DENND4A: variants seen among roughly 807,000 people sequenced by gnomAD.
DENND4A encodes DENN domain containing 4A.
A neutral mutation model predicts 199.3 loss-of-function variants in DENND4A; 70 were observed. That is an observed-to-expected ratio of 0.35 (90% confidence interval 0.29 to 0.43). DENND4A has a LOEUF of 0.43. Ranked by LOEUF, DENND4A falls within the 20% of genes least tolerant of loss-of-function variation. The probability of loss-of-function intolerance (pLI) is 1.00; values close to 1 mark genes in which losing one functional copy is unlikely to be tolerated. For missense variants in DENND4A, 1,723 were observed against 2,255.8 expected (o/e 0.76, Z 4.78); for synonymous variants, 686 against 766.9 (o/e 0.89, Z 1.74).
intron 1 of DENND4A, among the ~76,000 whole-genome samples, chr15:65,781,468 G>A (rs2077435182): frequency 6.6e-6 from 1 of 152,200 alleles, no homozygotes; most frequent in African/African-American, 2.4e-5. Context: ...GTTGGAACAA[G>A]GATGCTGGGG....
intron 1 of DENND4A, among the ~76,000 whole-genome samples, chr15:65,766,245 C>T (rs1196024728): frequency 1.5e-5 from 2 of 134,574 alleles, no homozygotes; most frequent in South Asian, 5.1e-4. Context: ...AGTGAGACTC[C>T]ACCTCAAAAA....
chr15:65,664,565 T>C lies in DENND4A; in HGVS notation c.5517A>G (p.Arg1839=). ...CGTCTAAGAGAAGGACTTACCTCTG[T>C]CTTTTAAAATGTGGACACTTATTCA... ...ETLNKCPHFK[R]QRSLYREILF... is the part of the protein sequence containing the mutation. Residue 1839 remains arginine, a synonymous_variant, in exon 31 of 33, where the codon AGA becomes AGG. Coordinates refer to ENST00000443035, the MANE Select transcript of DENND4A (RefSeq NM_001320835.1). The C allele has an allele frequency of 6.2e-7, 1 of 1,611,894 alleles. No individual in the cohort carries two copies. Among genetic ancestry groups the C allele is most frequent in the African/African-American group, 1.3e-5 (1 of 75,014 alleles).
rs561759886 is a variant in DENND4A, at chr15:65,697,658, A to G, written c.2834-275T>C. Among the ~76,000 whole-genome samples, 31 of 152,322 alleles carry G rather than the reference A, an allele frequency of 2.0e-4. No individual in the cohort carries two copies. In the East Asian group the frequency reaches 4.0e-3, roughly 20 times the overall value. ...AGTAACTACATACATTCACACTACT[A>G]TATGAGCTCCAAGACACAGACAAAC... On this transcript the variant is annotated intron_variant, in intron 20 of 32. Transcript: ENST00000443035.
chr15:65,665,759 A>C (rs2076014930), intron 29 of DENND4A, among the ~76,000 whole-genome samples: 1 of 152,208 alleles, frequency 6.6e-6, no homozygotes, highest in African/African-American at 2.4e-5. Flanking sequence ...AGATAAATCC[A>C]GGAGTCCCAT....
At chr15:65,674,872 T>C (rs945032267) in intron 24 of DENND4A, among the ~76,000 whole-genome samples, 16 of 152,242 alleles carry the variant, frequency 1.1e-4, no homozygotes, top group Admixed American at 5.9e-4. Flanking sequence ...TTGAAATAAC[T>C]CATTGAGGAA....
In DENND4A at chr15:65,661,265, A is replaced by T. The variant is rs1309230578; in HGVS notation, c.*586T>A. On this transcript the variant is annotated 3_prime_UTR_variant, in exon 33 of 33. Transcript: ENST00000443035. ...TAATAAAAAATATATATATAGATAG[A>T]TATACACAGAGAGATCTGCAGCTGT... The T allele has an allele frequency of 6.6e-6, 1 of 152,222 alleles. No individual in the cohort carries two copies. Among genetic ancestry groups the T allele is most frequent in the African/African-American group, 2.4e-5 (1 of 41,452 alleles). The allele number at this position is 152,222 out of a possible 1,614,324, so 9.4% of individuals were successfully genotyped here.
chr15:65,684,818 ATTTTTTT>A (rs541989496), intron 23 of DENND4A, among the ~76,000 whole-genome samples: 1 of 104,982 alleles, frequency 9.5e-6, no homozygotes, highest in African/African-American at 3.6e-5. Flanking sequence ...TTTTCTTCCA[ATTTTTTT>A]TTTTTTTTTT....
Position 65,707,082 on chromosome 15 carries a change from C to T in DENND4A, c.1954-858G>A, listed in dbSNP as rs77965101. Reference sequence around the variant, plus strand: ...ATTTATACTAAATATAACAAATTTCCCTAAGCTCTTTCAGCATATGTAGAC... The same window carrying T: ...ATTTATACTAAATATAACAAATTTCTCTAAGCTCTTTCAGCATATGTAGAC... On this transcript the variant is annotated intron_variant, in intron 14 of 32. Transcript: ENST00000443035. Among the ~76,000 whole-genome samples the T allele has an allele frequency of 4.1e-3, 617 of 151,870 alleles. 18 individuals are homozygous for T. The East Asian group carries it at 0.091, about 22-fold the overall frequency.
At chr15:65,748,575 T>C (rs1413217267) in intron 4 of DENND4A, among the ~76,000 whole-genome samples, 1 of 150,152 alleles carries the variant, frequency 6.7e-6, no homozygotes, top group Non-Finnish European at 1.5e-5. Context: ...GCTATGATCA[T>C]GCTACTGATG....
intron 32 of DENND4A, among the ~76,000 whole-genome samples, chr15:65,662,852 T>C (rs143933046): frequency 1.3e-5 from 2 of 152,282 alleles, no homozygotes; most frequent in South Asian, 2.1e-4. Context: ...GTCAAGTGCA[T>C]GAGCAAGTGA....
intron 1 of DENND4A, among the ~76,000 whole-genome samples, chr15:65,774,582 C>T (rs1426014693): frequency 6.6e-6 from 1 of 151,132 alleles, no homozygotes; most frequent in Non-Finnish European, 1.5e-5. Flanking sequence ...GCAGGAGAAT[C>T]GTTTGAACCT....
chr15:65,726,737 C>T (rs1194382397), intron 11 of DENND4A, among the ~76,000 whole-genome samples: 1 of 152,080 alleles, frequency 6.6e-6, no homozygotes, highest in East Asian at 1.9e-4. Context: ...AGGCAGATCA[C>T]CTGAGGCCAG....
At chr15:65,734,701 A>G (rs1179289919) in intron 7 of DENND4A, among the ~76,000 whole-genome samples, 1 of 152,232 alleles carries the variant, frequency 6.6e-6, no homozygotes, top group Non-Finnish European at 1.5e-5. Flanking sequence ...ACTATGAAGT[A>G]GTTAGAACAG....
At position 65,749,143 on chromosome 15, in the gene DENND4A, C is replaced by T. The variant is rs182428442; in HGVS notation, c.561+3236G>A. Among the ~76,000 whole-genome samples the T allele has an allele frequency of 4.6e-5, 7 of 150,596 alleles. No individual in the cohort carries two copies. In the Admixed American group the frequency reaches 4.6e-4, roughly 10 times the overall value. ...TTGGTAGGAATTTTAATTGGTTAAA[C>T]CCTTCTGGATAAAATCTTAATAGTA... is the stretch of plus-strand genomic sequence containing the variant. On this transcript the variant is annotated intron_variant, in intron 4 of 32. Transcript: ENST00000443035.
intron 5 of DENND4A, 40 bp downstream of exon 5, chr15:65,741,675 A>G (rs1310000005): frequency 3.2e-6 from 5 of 1,565,506 alleles, no homozygotes; most frequent in Non-Finnish European, 4.4e-6. Flanking sequence ...GCCCTATAAT[A>G]CATTTATATA....
At position 65,660,552 on chromosome 15, in the gene DENND4A, T is replaced by A. The variant is rs79607088; in HGVS notation, c.*1299A>T. On this transcript the variant is annotated 3_prime_UTR_variant, in exon 33 of 33. Transcript: ENST00000443035. The stretch of plus-strand genomic sequence containing the variant: ...ATAACTAATTCTAGCAGCCAAAAGA[T>A]GTTTTTCCTTACCAGAAATTACCCA... The A allele has an allele frequency of 0.043, 16,700 of 392,418 alleles. 470 individuals carry two copies. Among genetic ancestry groups the A allele is most frequent in the Non-Finnish European group, 0.058 (12,884 of 221,284 alleles). The allele number at this position is 392,418 out of a possible 1,614,324, so 24.3% of individuals were successfully genotyped here. A position where few individuals can be genotyped will look rare whatever the true frequency, so the allele number is the denominator to read the frequency against.
rs2076103391 is a variant in DENND4A, at chr15:65,668,204, C to T, written c.4788-81G>A. 5 of 1,021,278 alleles carry T rather than the reference C, an allele frequency of 4.9e-6. No individual in the cohort carries two copies. In the African/African-American group the frequency reaches 8.4e-5, roughly 17 times the overall value. The allele number at this position is 1,021,278 out of a possible 1,614,324, so 63.3% of individuals were successfully genotyped here. A position where few individuals can be genotyped will look rare whatever the true frequency, so the allele number is the denominator to read the frequency against. ...TCAACAAGGATCATGTTCTCTCTCTCTCTCTCTTTTTTTTTTTTTTTTAAG... is the reference window on the plus strand; with the variant it reads ...TCAACAAGGATCATGTTCTCTCTCTTTCTCTCTTTTTTTTTTTTTTTTAAG... On this transcript the variant is annotated intron_variant, in intron 27 of 32. Transcript: ENST00000443035.
rs909382991 is a variant in DENND4A at position 65,665,194 on chromosome 15, C to A, written c.5359+151G>T. Reference sequence around the variant, plus strand: ...AAGGTAGCACTAAAAAAATCAAACACTCACTCTCAAACAAAAGAGTACGAC... The same window carrying A: ...AAGGTAGCACTAAAAAAATCAAACAATCACTCTCAAACAAAAGAGTACGAC... On this transcript the variant is annotated intron_variant, in intron 30 of 32. Transcript: ENST00000443035. 20 of 559,596 alleles carry A rather than the reference C, an allele frequency of 3.6e-5. No individual in the cohort carries two copies. The Admixed American group carries it at 5.4e-4, about 15-fold the overall frequency. 34.7% of individuals were successfully genotyped at this position (559,596 alleles called of 1,614,324 possible). A position where few individuals can be genotyped will look rare whatever the true frequency, so the allele number is the denominator to read the frequency against.
chr15:65,676,141 A>AAAAT (rs1362535499), intron 24 of DENND4A, among the ~76,000 whole-genome samples: 3 of 110,450 alleles, frequency 2.7e-5, no homozygotes, highest in South Asian at 3.5e-4. Context: ...AATAAGGAAA[A>AAAAT]ATATATATAT....
Sources: gnomAD v4.1 joint callset for allele counts (sites outside exome capture counted in the v4.1 genomes callset) on GRCh38, gnomAD v4.1.1 for gene constraint, MANE v1.5 for transcripts, NCBI Gene and HGNC (gene_info 2026-07-23, HGNC 2026-07-21) for gene names.